The following LAMA5 variants were observed in gnomAD, a reference collection of about 807,000 sequenced individuals.
LAMA5 encodes the protein laminin subunit alpha-5.
Under a neutral mutation model 433.4 loss-of-function variants are expected in LAMA5, and 260 were observed. The observed-to-expected ratio is 0.60, with a 90% CI of 0.54 to 0.66. The LOEUF is 0.66. Ranked by LOEUF, LAMA5 falls within the 30% of genes least tolerant of loss-of-function variation. LAMA5 has a pLI of 0.00. For synonymous variants in LAMA5, 2,620 were observed against 2,226.6 expected, an observed-to-expected ratio of 1.18 and a Z score of -4.97; for missense variants, 5,378 against 5,258.5, an observed-to-expected ratio of 1.02 and a Z score of -0.70.
At position 62,312,915 on chromosome 20, in the gene LAMA5, TG is replaced by T; in HGVS notation, c.9050del (p.Pro3017HisfsTer4). 6.3e-7 allele frequency: 1 copy of T among 1,583,408 alleles called. No individual in the cohort carries two copies. ...GLKKAVPLQP[P>X]PPLTSASKAI... is the part of the protein sequence containing the mutation. ...CCTTGCTGGCCGAGGTCAGGGGCGG[TG>T]GGGGCTGCAGTGGGACGGCCTTTTT... On this transcript the variant is annotated frameshift_variant, in exon 66 of 80. Coordinates refer to ENST00000252999, the MANE Select transcript of LAMA5 (RefSeq NM_005560.6). LOFTEE classifies it high-confidence loss of function.
rs934636475 is a variant in LAMA5, at chr20:62,330,025, A to G, written c.3980-109T>C. 7 of 1,437,758 alleles carry G rather than the reference A, an allele frequency of 4.9e-6. No homozygotes were observed. The African/African-American group carries it at 9.9e-5, about 20-fold the overall frequency. The allele number at this position is 1,437,758 out of a possible 1,614,324, so 89.1% of individuals were successfully genotyped here. Reference sequence around the variant, plus strand: ...GCAGCCAAGGAGTGCCCGCTGGCCAACGGCCACAGGCACGGGACGTGCCCA... The same window carrying G: ...GCAGCCAAGGAGTGCCCGCTGGCCAGCGGCCACAGGCACGGGACGTGCCCA... On this transcript the variant is annotated intron_variant, in intron 31 of 79. Transcript: ENST00000252999.
At position 62,323,458 on chromosome 20, in the gene LAMA5, G is replaced by A. The variant is rs1279809628; in HGVS notation, c.6062C>T (p.Thr2021Ile). Residue 2021 changes from threonine to isoleucine, a missense_variant and splice_region_variant, in exon 45 of 80, where the codon ACC becomes ATC. Thr to Ile is a moderately conservative substitution (Grantham distance 89, BLOSUM62 -1). Transcript: ENST00000252999. ...ATCCCTCCCAGCCCGACGCCTACGGGTGCAGTTGCCGGGCAGCAGGGCGTT... is the reference window on the plus strand; with the variant it reads ...ATCCCTCCCAGCCCGACGCCTACGGATGCAGTTGCCGGGCAGCAGGGCGTT... ...YGNALLPGNC[T>I]RCDCTPCGTE... 7.1e-6 allele frequency: 11 copies of A among 1,538,890 alleles called. No homozygotes were observed. Among genetic ancestry groups the A allele is most frequent in the Non-Finnish European group, 8.7e-6 (10 of 1,143,934 alleles).
chr20:62,366,423 C>T (rs1200201934), intron 1 of LAMA5, among the ~76,000 whole-genome samples: 2 of 152,232 alleles, frequency 1.3e-5, no homozygotes, highest in African/African-American at 4.8e-5. Flanking sequence ...GTTCCCAGCC[C>T]CAGTCAAAAC....
At chr20:62,361,549 CA>C (rs1986130963) in intron 2 of LAMA5, among the ~76,000 whole-genome samples, 1 of 152,234 alleles carries the variant, frequency 6.6e-6, no homozygotes, top group Non-Finnish European at 1.5e-5. Flanking sequence ...GAGGCTCAGA[CA>C]GGGGTGAAGA....
chr20:62,317,077 G>A, intron 55 of LAMA5, 54 bp from the exon 56 acceptor site: 21 of 1,482,238 alleles, frequency 1.4e-5, no homozygotes, highest in South Asian at 4.2e-5. Context: ...CCCTCGGCCT[G>A]GCTCTCCAGC....
At chr20:62,353,667 C>T (rs1185493233) in intron 2 of LAMA5, among the ~76,000 whole-genome samples, 2 of 152,116 alleles carry the variant, frequency 1.3e-5, no homozygotes, top group Non-Finnish European at 2.9e-5. Flanking sequence ...ACAGCCCTCA[C>T]GTCCAGCCAG....
chr20:62,311,054 C>A lies in LAMA5; in HGVS notation c.10129G>T (p.Gly3377Cys). ...SMHVLPRSSR[G>C]LLLFTARLRP... Reference sequence around the variant, plus strand: ...AGACGGGCAGTGAAGAGGAGGAGGCCTCGGGAGCTTCGCGGGAGGACGTGC... The same window carrying A: ...AGACGGGCAGTGAAGAGGAGGAGGCATCGGGAGCTTCGCGGGAGGACGTGC... Residue 3377 changes from glycine (G) to cysteine (C), a missense_variant, in exon 74 of 80, where the codon GGC becomes TGC. By Grantham distance (159) the Gly-to-Cys change is radical (BLOSUM62 -3). Transcript: ENST00000252999. The A allele has an allele frequency of 1.2e-6, 2 of 1,601,606 alleles. No individual in the cohort carries two copies. The highest frequency in any genetic ancestry group is 1.7e-6 in the Non-Finnish European group (2 of 1,174,098).
rs1983454053 is a variant in LAMA5 at position 62,346,812 on chromosome 20, G to A, written c.1073-12C>T. The A allele has an allele frequency of 1.9e-6, 3 of 1,610,556 alleles. No homozygotes were observed. The highest frequency in any genetic ancestry group is 4.5e-5 in the East Asian group (2 of 44,846). ...GTAGCAGTTACAGGCTAGAGAGAGG[G>A]GAGCGCAGCTGTTGGCACGCCCTCC... On this transcript the variant is annotated splice_polypyrimidine_tract_variant and intron_variant, in intron 7 of 79. Transcript: ENST00000252999.
rs193302821 is a variant in LAMA5, at chr20:62,326,818, C to T, written c.5214+47G>A. ...ACGGGCCTGGACCACGGTGCCACTG[C>T]GCCACGCCCACCCAACCACCCTGCC... is the stretch of plus-strand genomic sequence containing the variant. On this transcript the variant is annotated intron_variant, in intron 39 of 79. Transcript: ENST00000252999. 322 of 1,598,820 alleles carry T rather than the reference C, an allele frequency of 2.0e-4. No homozygotes were observed. The East Asian group carries it at 2.6e-3, about 13-fold the overall frequency.
rs532537539 is a variant in LAMA5 at position 62,324,471 on chromosome 20, G to A, written c.5613C>T (p.Asp1871=). 1.9e-6 allele frequency: 3 copies of A among 1,612,332 alleles called. No individual in the cohort carries two copies. The East Asian group carries it at 6.7e-5, about 36-fold the overall frequency. The change falls in exon 42 of 80, where the codon GAC becomes GAT. Residue 1871 remains aspartate (D), a synonymous_variant. Coordinates refer to ENST00000252999, the MANE Select transcript of LAMA5 (RefSeq NM_005560.6). The surrounding 1 kb of genome is among the most constrained non-coding windows in gnomAD (Gnocchi z 4.4). ...CVPCQCHGHS[D]RCLPGSGVCV... is the part of the protein sequence containing the mutation. ...AGACGCCAGAGCCAGGGAGGCAGCGGTCTGAGTGTCCATGGCACTGACAAG... is the reference window on the plus strand; with the variant it reads ...AGACGCCAGAGCCAGGGAGGCAGCGATCTGAGTGTCCATGGCACTGACAAG...
chr20:62,317,245 G>A, intron 55 of LAMA5, 100 bp downstream of exon 55: 2 of 1,321,470 alleles, frequency 1.5e-6, no homozygotes, highest in East Asian at 5.3e-5. Flanking sequence ...GAGGACAACG[G>A]CCTCAGCCCC....
Position 62,334,162 on chromosome 20 carries a change from TG to T in LAMA5, c.2739+23del, listed in dbSNP as rs567929057. 4.0e-4 allele frequency: 636 copies of T among 1,605,812 alleles called. 3 individuals are homozygous for T. The highest frequency in any genetic ancestry group is 2.2e-3 in the South Asian group (196 of 90,714). ...CCTGGCTCCACTTCTAGGCTGAGCC[TG>T]GGAGGGGGAGCACAGCGCCCACCTG... is the stretch of plus-strand genomic sequence containing the variant. On this transcript the variant is annotated intron_variant, in intron 22 of 79. Transcript: ENST00000252999.
chr20:62,311,850 A>G (rs1961373966), intron 70 of LAMA5, 66 bp from the exon 71 acceptor site: 1 of 1,282,486 alleles, frequency 7.8e-7, no homozygotes, highest in Middle Eastern at 2.0e-4. Context: ...CAGAGGAGAC[A>G]GAGGTCCAGG....
intron 51 of LAMA5, among the ~76,000 whole-genome samples, chr20:62,319,444 G>A (rs537962305): frequency 2.1e-4 from 32 of 152,174 alleles, no homozygotes; most frequent in African/African-American, 5.8e-4. Context: ...ACATCTAACC[G>A]GCACATTTCC....
In LAMA5 at chr20:62,322,800, C is replaced by G. The variant is rs552908345; in HGVS notation, c.6065-42G>C. The G allele has an allele frequency of 8.4e-4, 1,087 of 1,299,918 alleles. 28 individuals are homozygous for G. In the South Asian group the frequency reaches 0.016, roughly 19 times the overall value. 80.5% of individuals were successfully genotyped at this position (1,299,918 alleles called of 1,614,324 possible). A position where few individuals can be genotyped will look rare whatever the true frequency, so the allele number is the denominator to read the frequency against. On this transcript the variant is annotated intron_variant, in intron 45 of 79. Transcript: ENST00000252999. ...TGACTGCAGCCCTGGGCCCTCTCAC[C>G]CCCCCAGGGAGCCCCTAGGCACCCT...
At position 62,318,459 on chromosome 20, in the gene LAMA5, C is replaced by A. The variant is rs1168045797; in HGVS notation, c.7234G>T (p.Ala2412Ser). 5.0e-6 allele frequency: 8 copies of A among 1,587,776 alleles called. No homozygotes were observed. The highest frequency in any genetic ancestry group is 1.7e-5 in the Admixed American group (1 of 58,380). ...NSRNQERLEEALQRKQELSRD... is the reference protein window; with the variant it reads ...NSRNQERLEESLQRKQELSRD... ...AACAAGTCCGGGGTCCTCACCAGGG[C>A]TTCCTCCAGGCGCTCCTGGTTGCGG... The change falls in exon 53 of 80, where the codon GCC (alanine) becomes TCC (serine). Residue 2412 changes from alanine (A) to serine (S), a missense_variant. Physicochemically the swap from Ala to Ser is moderately conservative, Grantham distance 99 (BLOSUM62 1). Transcript: ENST00000252999.
Position 62,324,221 on chromosome 20 carries a change from A to C in LAMA5, c.5644-17T>G. The C allele has an allele frequency of 6.3e-7, 1 of 1,577,578 alleles. No individual in the cohort carries two copies. The highest frequency in any genetic ancestry group is 8.5e-7 in the Non-Finnish European group (1 of 1,171,396). On this transcript the variant is annotated splice_polypyrimidine_tract_variant and intron_variant, in intron 42 of 79. Coordinates refer to ENST00000252999, the MANE Select transcript of LAMA5 (RefSeq NM_005560.6). This position sits in a 1 kb window ranked among gnomAD's most constrained non-coding sequence, Gnocchi z 4.4. ...CTGGCAGTCCTGGGGCAGAGTGGAC[A>C]GTCAGAGCTATGGTGGACACCCACA... is the stretch of plus-strand genomic sequence containing the variant.
chr20:62,355,107 T>C (rs1984982848), intron 2 of LAMA5, among the ~76,000 whole-genome samples: 1 of 152,144 alleles, frequency 6.6e-6, no homozygotes, highest in Admixed American at 6.5e-5. Flanking sequence ...TGGGCGGCAG[T>C]GGGGACCAGC....
rs1368466743 is a variant in LAMA5, at chr20:62,313,216, C to T, written c.8827G>A (p.Gly2943Ser). The change falls in exon 65 of 80, where the codon GGC becomes AGC. Residue 2943 changes from glycine (G) to serine (S), a missense_variant. By Grantham distance (56) the Gly-to-Ser change is moderately conservative. Coordinates refer to ENST00000252999, the MANE Select transcript of LAMA5 (RefSeq NM_005560.6). ...KSTGDPWLTD[G>S]SYLDGTGFAR... ...AAGCCGGTGCCGTCCAGGTAGGAGCCGTCCGTGAGCCACGGGTCCCCGGTC... is the reference window on the plus strand; with the variant it reads ...AAGCCGGTGCCGTCCAGGTAGGAGCTGTCCGTGAGCCACGGGTCCCCGGTC... 5.3e-6 allele frequency: 8 copies of T among 1,517,480 alleles called. No homozygotes were observed. Among genetic ancestry groups the T allele is most frequent in the African/African-American group, 1.4e-5 (1 of 71,378 alleles). 94.0% of individuals were successfully genotyped at this position (1,517,480 alleles called of 1,614,324 possible).
Sources: allele counts gnomAD v4.1 joint callset (sites outside exome capture counted in the v4.1 genomes callset), GRCh38; gene constraint gnomAD v4.1.1; non-coding constraint Gnocchi (gnomAD v3.1); transcripts MANE v1.5; gene names NCBI Gene and HGNC (gene_info 2026-07-23, HGNC 2026-07-21).